The following CLEC2D variants were observed in gnomAD, a reference collection of about 807,000 sequenced individuals.
CLEC2D encodes C-type lectin domain family 2 member D.
A neutral mutation model predicts 20.0 loss-of-function variants in CLEC2D; 16 were observed. The observed-to-expected ratio is 0.80, with a 90% confidence interval of 0.54 to 1.22. The LOEUF (loss-of-function observed/expected upper bound fraction) is 1.22, where lower values mean the gene tolerates loss of function less well. CLEC2D is among the 50% of genes most tolerant of loss of function. The pLI is 0.00. For synonymous variants in CLEC2D, 77 were observed against 71.1 expected (o/e 1.08, Z -0.42); for missense variants, 207 against 221.5 (o/e 0.93, Z 0.42).
rs11052489 is a variant in CLEC2D at position 9,695,871 on chromosome 12, T to A, written c.*997T>A. 1.1e-4 allele frequency: 109 copies of A among 1,007,950 alleles called. No homozygotes were observed. Among genetic ancestry groups the A allele is most frequent in the Non-Finnish European group, 1.4e-4 (94 of 657,928 alleles). 62.4% of individuals were successfully genotyped at this position (1,007,950 alleles called of 1,614,324 possible). A position where few individuals can be genotyped will look rare whatever the true frequency, so the allele number is the denominator to read the frequency against. ...CTGCTGCTGCTGATGATGATGATGA[T>A]GAAGATGATGATGATGATGATGACG... On this transcript the variant is annotated 3_prime_UTR_variant, in exon 5 of 5. Transcript: ENST00000290855.
rs1865951890 is a variant in CLEC2D at position 9,695,124 on chromosome 12, A to G, written c.*250A>G. The G allele has an allele frequency of 3.5e-6, 2 of 575,136 alleles. No homozygotes were observed. The allele number at this position is 575,136 out of a possible 1,614,324, so 35.6% of individuals were successfully genotyped here. Reference sequence around the variant, plus strand: ...AGTAATTTATAAATAAAAGAGATTTAATTGACTCATAGTTCCACATGGCTG... The same window carrying G: ...AGTAATTTATAAATAAAAGAGATTTGATTGACTCATAGTTCCACATGGCTG... On this transcript the variant is annotated 3_prime_UTR_variant, in exon 5 of 5. Coordinates refer to ENST00000290855, the MANE Select transcript of CLEC2D (RefSeq NM_013269.6).
At chr12:9,680,434 A>G (rs1865610727) in intron 1 of CLEC2D, among the ~76,000 whole-genome samples, 2 of 152,122 alleles carry the variant, frequency 1.3e-5, no homozygotes, top group South Asian at 4.1e-4. Flanking sequence ...ATTCTTAACT[A>G]TTCACTCTCC....
In CLEC2D at chr12:9,699,303, TATC is replaced by T. The variant is rs1431210549; in HGVS notation, c.*4431_*4433del. 3 of 152,188 alleles carry T rather than the reference TATC, an allele frequency of 2.0e-5. No individual in the cohort carries two copies. Among genetic ancestry groups the T allele is most frequent in the Admixed American group, 6.5e-5 (1 of 15,274 alleles). 9.4% of individuals were successfully genotyped at this position (152,188 alleles called of 1,614,324 possible). A position where few individuals can be genotyped will look rare whatever the true frequency, so the allele number is the denominator to read the frequency against. ...CTGCATTCTGTCAATTGTGGCAAGT[TATC>T]AGCATATTTTTTAACTTTTAATTAT... is the stretch of plus-strand genomic sequence containing the variant. On this transcript the variant is annotated 3_prime_UTR_variant, in exon 5 of 5. Transcript: ENST00000290855.
chr12:9,697,133 T>G lies in CLEC2D; in HGVS notation c.*2259T>G, dbSNP rs951233043. 3 of 151,976 alleles carry G rather than the reference T, an allele frequency of 2.0e-5. No homozygotes were observed. In the East Asian group the frequency reaches 5.8e-4, roughly 29 times the overall value. 9.4% of individuals were successfully genotyped at this position (151,976 alleles called of 1,614,324 possible). On this transcript the variant is annotated 3_prime_UTR_variant, in exon 5 of 5. Transcript: ENST00000290855. ...AGCCCCCCAAAATCTGGCCATAAAC[T>G]CACCCCAAAACTGGCCATAAACAAA...
Position 9,695,864 on chromosome 12 carries a change from A to G in CLEC2D, c.*990A>G. ...AAACTTGCTGCTGCTGCTGATGATG[A>G]TGATGATGAAGATGATGATGATGAT... On this transcript the variant is annotated 3_prime_UTR_variant, in exon 5 of 5. Transcript: ENST00000290855. 2 of 743,118 alleles carry G rather than the reference A, an allele frequency of 2.7e-6. No individual in the cohort carries two copies. The highest frequency in any genetic ancestry group is 4.2e-6 in the Non-Finnish European group (2 of 472,770). 46.0% of individuals were successfully genotyped at this position (743,118 alleles called of 1,614,324 possible). A position where few individuals can be genotyped will look rare whatever the true frequency, so the allele number is the denominator to read the frequency against.
At chr12:9,692,978 T>C (rs1197887224) in intron 4 of CLEC2D, 47 bp downstream of exon 4, 2 of 1,596,690 alleles carry the variant, frequency 1.3e-6, no homozygotes, top group South Asian at 2.2e-5. Flanking sequence ...GAATTTACTT[T>C]GCATTAAATC....
intron 1 of CLEC2D, among the ~76,000 whole-genome samples, chr12:9,670,189 A>G (rs1018882723): frequency 2.6e-5 from 4 of 152,202 alleles, no homozygotes; most frequent in African/African-American, 9.6e-5. Flanking sequence ...ATAGTATGTA[A>G]AGGACATTTA....
At chr12:9,671,004 C>G (rs1382438867) in intron 1 of CLEC2D, among the ~76,000 whole-genome samples, 1 of 152,214 alleles carries the variant, frequency 6.6e-6, no homozygotes, top group Non-Finnish European at 1.5e-5. Flanking sequence ...TCTTCACCAT[C>G]TGACCCGTAC....
chr12:9,690,274 C>A (rs922934720), intron 3 of CLEC2D, among the ~76,000 whole-genome samples: 15 of 151,948 alleles, frequency 9.9e-5, no homozygotes, highest in Admixed American at 9.8e-4. Flanking sequence ...AGTTGTCCTT[C>A]AAGAATGAAG....
chr12:9,698,054 ATT>A lies in CLEC2D; in HGVS notation c.*3182_*3183del, dbSNP rs1230832688. Reference sequence around the variant, plus strand: ...AAGCACATTGGGAGATACATGATAAATTTCTATCTGCAGTTGCTATTTGCATT... The same window carrying A: ...AAGCACATTGGGAGATACATGATAAATCTATCTGCAGTTGCTATTTGCATT... On this transcript the variant is annotated 3_prime_UTR_variant, in exon 5 of 5. Coordinates refer to ENST00000290855, the MANE Select transcript of CLEC2D (RefSeq NM_013269.6). 6.6e-5 allele frequency: 10 copies of A among 152,194 alleles called. No homozygotes were observed. Among genetic ancestry groups the A allele is most frequent in the African/African-American group, 2.2e-4 (9 of 41,444 alleles). The allele number at this position is 152,194 out of a possible 1,614,324, so 9.4% of individuals were successfully genotyped here.
At chr12:9,673,767 C>A (rs1435155747) in intron 1 of CLEC2D, among the ~76,000 whole-genome samples, 1 of 152,192 alleles carries the variant, frequency 6.6e-6, no homozygotes, top group African/African-American at 2.4e-5. Flanking sequence ...CAGGGATGAC[C>A]TGCCTGGTGA....
intron 2 of CLEC2D, among the ~76,000 whole-genome samples, chr12:9,686,967 T>C (rs1436413827): frequency 6.6e-6 from 1 of 152,222 alleles, no homozygotes; most frequent in Admixed American, 6.5e-5. Flanking sequence ...GGCATCTCTA[T>C]CCTGCCCTTC....
intron 2 of CLEC2D, among the ~76,000 whole-genome samples, chr12:9,684,770 G>T (rs1308640300): frequency 6.6e-6 from 1 of 152,102 alleles, no homozygotes; most frequent in Non-Finnish European, 1.5e-5. Context: ...TGTGCTGCTG[G>T]ATTCGGCTGG....
rs370718669 is a variant in CLEC2D, at chr12:9,697,082, AAAG to A, written c.*2211_*2213del. 8.0e-4 allele frequency: 122 copies of A among 152,180 alleles called. No individual in the cohort carries two copies. The highest frequency in any genetic ancestry group is 2.5e-3 in the African/African-American group (103 of 41,520). 9.4% of individuals were successfully genotyped at this position (152,180 alleles called of 1,614,324 possible). A position where few individuals can be genotyped will look rare whatever the true frequency, so the allele number is the denominator to read the frequency against. On this transcript the variant is annotated 3_prime_UTR_variant, in exon 5 of 5. Transcript: ENST00000290855. ...AATAGAATATTATTCAGCCTTGTAA[AAAG>A]AAATCCTGTTATGTTGGGAACAAGC...
Position 9,695,973 on chromosome 12 carries a change from G to C in CLEC2D, c.*1099G>C. The C allele has an allele frequency of 6.4e-7, 1 of 1,560,716 alleles. No individual in the cohort carries two copies. Among genetic ancestry groups the C allele is most frequent in the Admixed American group, 1.7e-5 (1 of 59,060 alleles). On this transcript the variant is annotated 3_prime_UTR_variant, in exon 5 of 5. Transcript: ENST00000290855. ...CCAAAAATGCACAAAAGTCAAATCA[G>C]AATGGAAAAGACTCAAAACCATCAT...
intron 1 of CLEC2D, chr12:9,680,245 C>G (rs1312267578): frequency 1.2e-5 from 4 of 327,920 alleles, no homozygotes; most frequent in Non-Finnish European, 2.5e-5. Context: ...CCTCTTCCAC[C>G]ATTATTGTAA....
chr12:9,690,235 C>T (rs1865835364), intron 3 of CLEC2D, among the ~76,000 whole-genome samples: 1 of 152,058 alleles, frequency 6.6e-6, no homozygotes. Flanking sequence ...AAAAATAAAA[C>T]TGCCAACCAT....
chr12:9,695,133 A>C lies in CLEC2D; in HGVS notation c.*259A>C. The C allele has an allele frequency of 1.7e-6, 1 of 577,556 alleles. No homozygotes were observed. 35.8% of individuals were successfully genotyped at this position (577,556 alleles called of 1,614,324 possible). ...TAAATAAAAGAGATTTAATTGACTC[A>C]TAGTTCCACATGGCTGGGGAGGTCT... On this transcript the variant is annotated 3_prime_UTR_variant, in exon 5 of 5. Transcript: ENST00000290855.
At chr12:9,674,941 G>C (rs1865492472) in intron 1 of CLEC2D, among the ~76,000 whole-genome samples, 1 of 151,988 alleles carries the variant, frequency 6.6e-6, no homozygotes, top group Non-Finnish European at 1.5e-5. Context: ...TTACAGTTTT[G>C]TGTTTTACCT....
Sources: allele counts gnomAD v4.1 joint callset (sites outside exome capture counted in the v4.1 genomes callset), GRCh38; gene constraint gnomAD v4.1.1; transcripts MANE v1.5; gene names NCBI Gene and HGNC (gene_info 2026-07-23, HGNC 2026-07-21).